The following TP53BP2 variants were observed in gnomAD, a reference collection of about 807,000 sequenced individuals.
TP53BP2 encodes the protein tumor protein p53 binding protein 2, also known as apoptosis-stimulating of p53 protein 2.
Under a neutral mutation model 126.2 loss-of-function variants are expected in TP53BP2, and 62 were observed. The observed-to-expected ratio is 0.49, with a 90% CI of 0.40 to 0.61. The LOEUF (loss-of-function observed/expected upper bound fraction) is 0.61, where lower values mean the gene tolerates loss of function less well. TP53BP2 is among the 20% of genes least tolerant of loss of function. The pLI, the probability that TP53BP2 is intolerant of heterozygous loss-of-function variation, is 0.00. For missense variants in TP53BP2, 1,215 were observed against 1,402.8 expected (o/e 0.87, Z 2.14); for synonymous variants, 485 against 502.9 (o/e 0.96, Z 0.48).
At chr1:223,826,718 G>T (rs954043054) in intron 1 of TP53BP2, among the ~76,000 whole-genome samples, 2 of 152,082 alleles carry the variant, frequency 1.3e-5, no homozygotes, top group African/African-American at 4.8e-5. Context: ...AAAGTAAGAG[G>T]TTACTGGAGG....
intron 8 of TP53BP2, 157 bp downstream of exon 8, chr1:223,802,574 A>T (rs1662564074): frequency 2.0e-6 from 2 of 1,017,622 alleles, no homozygotes; most frequent in Non-Finnish European, 2.9e-6. Context: ...TTAAAAAGTA[A>T]AAAAGCAGCG....
chr1:223,817,419 A>G (rs1439280519), intron 2 of TP53BP2, among the ~76,000 whole-genome samples: 1 of 151,390 alleles, frequency 6.6e-6, no homozygotes, highest in African/African-American at 2.4e-5. Flanking sequence ...GAAAAACAAA[A>G]TTTTTTTTGA....
intron 3 of TP53BP2, among the ~76,000 whole-genome samples, chr1:223,813,354 T>G (rs1370859343): frequency 1.3e-5 from 2 of 152,196 alleles, no homozygotes; most frequent in African/African-American, 4.8e-5. Context: ...TCCGAAATTT[T>G]CAATTCAAAC....
At chr1:223,791,304 A>T (rs1185702234) in intron 15 of TP53BP2, among the ~76,000 whole-genome samples, 1 of 152,130 alleles carries the variant, frequency 6.6e-6, no homozygotes, top group Non-Finnish European at 1.5e-5. Context: ...TTTTTTAAAA[A>T]GAGCCTGAAG....
At chr1:223,789,916 G>A (rs965230651) in intron 15 of TP53BP2, among the ~76,000 whole-genome samples, 4 of 151,992 alleles carry the variant, frequency 2.6e-5, no homozygotes, top group African/African-American at 7.3e-5. Flanking sequence ...TGTTAATCAG[G>A]CTCTAAAGTA....
chr1:223,799,909 C>T lies in TP53BP2; in HGVS notation c.1475G>A (p.Arg492Gln), dbSNP rs756133979. Reference protein sequence around the residue: ...RKNQSSEDILRDAQVANKNVA... With the variant: ...RKNQSSEDILQDAQVANKNVA... ...GATATTTGTAGGTACCTGAGCATCC[C>T]GCAAGATATCTTCACTGCTCTGGTT... Residue 492 changes from arginine (R) to glutamine (Q), a missense_variant, in exon 11 of 18, where the codon CGG becomes CAG. Coordinates refer to ENST00000343537, the MANE Select transcript of TP53BP2 (RefSeq NM_001031685.3). 57 of 1,590,814 alleles carry T rather than the reference C, an allele frequency of 3.6e-5. No homozygotes were observed. The Middle Eastern group carries it at 5.0e-4, about 14-fold the overall frequency.
At chr1:223,801,315 C>G (rs966128752) in intron 9 of TP53BP2, among the ~76,000 whole-genome samples, 1 of 152,204 alleles carries the variant, frequency 6.6e-6, no homozygotes, top group African/African-American at 2.4e-5. Flanking sequence ...AAATATAACT[C>G]TTTCCACAAT....
chr1:223,839,637 AAAC>A (rs1392662003), intron 1 of TP53BP2, among the ~76,000 whole-genome samples: 1 of 152,224 alleles, frequency 6.6e-6, no homozygotes, highest in Non-Finnish European at 1.5e-5. Context: ...GTATCCAGAA[AAAC>A]AACTGAAGTG....
At chr1:223,822,242 G>A (rs1663338218) in intron 1 of TP53BP2, among the ~76,000 whole-genome samples, 1 of 151,618 alleles carries the variant, frequency 6.6e-6, no homozygotes, top group Non-Finnish European at 1.5e-5. Flanking sequence ...AATGTTTTAA[G>A]CAAATTAAAT....
intron 15 of TP53BP2, 59 bp downstream of exon 15, chr1:223,792,330 C>A (rs1177346168): frequency 6.5e-7 from 1 of 1,541,142 alleles, no homozygotes; most frequent in Non-Finnish European, 8.8e-7. Context: ...ACTATGACAA[C>A]TGCTTATAAA....
intron 15 of TP53BP2, 83 bp from the exon 16 acceptor site, chr1:223,789,257 T>C: frequency 6.6e-7 from 1 of 1,509,006 alleles, no homozygotes; most frequent in Non-Finnish European, 9.0e-7. Context: ...AGAAAGTTCT[T>C]GAGTCTCTCA....
Position 223,780,077 on chromosome 1 carries a change from C to T in TP53BP2, c.*776G>A, listed in dbSNP as rs1389035863. 6.6e-6 allele frequency: 1 copy of T among 152,140 alleles called. No individual in the cohort carries two copies. The highest frequency in any genetic ancestry group is 2.4e-5 in the African/African-American group (1 of 41,422). 9.4% of individuals were successfully genotyped at this position (152,140 alleles called of 1,614,324 possible). A position where few individuals can be genotyped will look rare whatever the true frequency, so the allele number is the denominator to read the frequency against. ...TATTTATGACATCAAAAACAAAAAC[C>T]AGTAAACAGCTAGCATCAAAAAGTT... On this transcript the variant is annotated 3_prime_UTR_variant, in exon 18 of 18. Coordinates refer to ENST00000343537, the MANE Select transcript of TP53BP2 (RefSeq NM_001031685.3).
intron 12 of TP53BP2, 138 bp downstream of exon 12, chr1:223,798,077 A>C: frequency 3.8e-6 from 3 of 787,224 alleles, no homozygotes; most frequent in Middle Eastern, 3.8e-4. Flanking sequence ...TTAAACTCCC[A>C]GTAAAGAACA....
At position 223,780,800 on chromosome 1, in the gene TP53BP2, C is replaced by T. The variant is rs1661744271; in HGVS notation, c.*53G>A. On this transcript the variant is annotated 3_prime_UTR_variant, in exon 18 of 18. Coordinates refer to ENST00000343537, the MANE Select transcript of TP53BP2 (RefSeq NM_001031685.3). ...ATTTTTGCCAAAAATAATCGTATTA[C>T]TTCTTCTTAACAGAGATTAATTCTT... 2 of 1,579,964 alleles carry T rather than the reference C, an allele frequency of 1.3e-6. No homozygotes were observed. The highest frequency in any genetic ancestry group is 1.7e-6 in the Non-Finnish European group (2 of 1,162,744).
intron 17 of TP53BP2, among the ~76,000 whole-genome samples, chr1:223,782,108 T>C (rs558857246): frequency 3.9e-5 from 6 of 152,310 alleles, no homozygotes; most frequent in South Asian, 4.1e-4. Context: ...TAATAATGTA[T>C]TATATACTTG....
At position 223,784,158 on chromosome 1, in the gene TP53BP2, C is replaced by T. The variant is rs754928342; in HGVS notation, c.3320G>A (p.Arg1107His). Reference protein sequence around the residue: ...DEDEIEWWWARLNDKEGYVPR... With the variant: ...DEDEIEWWWAHLNDKEGYVPR... Reference sequence around the variant, plus strand: ...AACATATCCCTCCTTATCATTAAGGCGCGCCCACCACCATTCGATTTCATC... The same window carrying T: ...AACATATCCCTCCTTATCATTAAGGTGCGCCCACCACCATTCGATTTCATC... Residue 1107 changes from arginine to histidine, a missense_variant, in exon 17 of 18, where the codon CGC becomes CAC. Around this residue, in one of 4 missense-constraint regions of TP53BP2, gnomAD observed 151 missense variants for 231.2 expected, o/e 0.65. Transcript: ENST00000343537. 11 of 1,614,022 alleles carry T rather than the reference C, an allele frequency of 6.8e-6. No individual in the cohort carries two copies. Among genetic ancestry groups the T allele is most frequent in the East Asian group, 6.7e-5 (3 of 44,896 alleles).
chr1:223,798,133 G>T, intron 12 of TP53BP2, 82 bp downstream of exon 12: 1 of 1,337,410 alleles, frequency 7.5e-7, no homozygotes, highest in South Asian at 1.4e-5. Flanking sequence ...ATAGGGATTA[G>T]TTATTTTGCT....
At chr1:223,814,192 C>CAA (rs1316957794) in intron 3 of TP53BP2, 48 bp downstream of exon 3, 1 of 1,441,806 alleles carries the variant, frequency 6.9e-7, no homozygotes, top group Non-Finnish European at 9.7e-7. Flanking sequence ...ACTCCCAGCA[C>CAA]AAAATAAAAG....
chr1:223,834,571 T>C (rs1304268329), intron 1 of TP53BP2, among the ~76,000 whole-genome samples: 1 of 152,232 alleles, frequency 6.6e-6, no homozygotes, highest in African/African-American at 2.4e-5. Flanking sequence ...TATATTTGCA[T>C]ATTTTGAATT....
Sources: gnomAD v4.1 joint callset for allele counts (sites outside exome capture counted in the v4.1 genomes callset) on GRCh38, gnomAD v4.1.1 for gene constraint, gnomAD v4.1.1 regional missense constraint, MANE v1.5 for transcripts, NCBI Gene and HGNC (gene_info 2026-07-23, HGNC 2026-07-21) for gene names.